Variants in GNAS observed in about 807,000 individuals in gnomAD.
GNAS encodes the protein GNAS complex locus.
Under a neutral mutation model 54.5 loss-of-function variants are expected in GNAS, and 8 were observed. The ratio of observed to expected loss-of-function variants is 0.15; its 90% CI spans 0.09 to 0.26. GNAS has a LOEUF of 0.26. Among genes scored for constraint, GNAS ranks in the 10% least tolerant of loss-of-function variants. The pLI, the probability that GNAS is intolerant of heterozygous loss-of-function variation, is 1.00. For missense variants in GNAS, 170 were observed against 529.8 expected (o/e 0.32, Z 6.67); for synonymous variants, 204 against 191.4 (o/e 1.07, Z -0.54).
chr20:58,858,995 A>T (rs2086639902), intron 1 of GNAS, among the ~76,000 whole-genome samples: 1 of 152,186 alleles, frequency 6.6e-6, no homozygotes, highest in Admixed American at 6.5e-5. Context: ...TAATTCTTAC[A>T]GATTTCTCTC....
chr20:58,841,653 T>G lies in GNAS; in HGVS notation c.43+767T>G. 58 of 1,096,868 alleles carry G rather than the reference T, an allele frequency of 5.3e-5. No homozygotes were observed. Among genetic ancestry groups the G allele is most frequent in the East Asian group, 1.6e-4 (3 of 19,170 alleles). 67.9% of individuals were successfully genotyped at this position (1,096,868 alleles called of 1,614,324 possible). A position where few individuals can be genotyped will look rare whatever the true frequency, so the allele number is the denominator to read the frequency against. On this transcript the variant is annotated intron_variant, in intron 1 of 12. Transcript: ENST00000306090. This position sits in a 1 kb window ranked among gnomAD's most constrained non-coding sequence, Gnocchi z 5.0. ...GCTGACCTCTCCCGGCGGCGGGCGG[T>G]TAGGGGAAAGTACCTGGGGGAAAGG...
intron 1 of GNAS, among the ~76,000 whole-genome samples, chr20:58,878,120 CAG>C (rs1431271664): frequency 1.3e-5 from 2 of 152,174 alleles, no homozygotes; most frequent in Non-Finnish European, 2.9e-5. Context: ...GCCTCTGGTG[CAG>C]ACTTACGCAG....
At chr20:58,842,495 G>GA (rs1195159505) in intron 1 of GNAS, 13 of 398,530 alleles carry the variant, frequency 3.3e-5, no homozygotes, top group Non-Finnish European at 5.8e-5. Context: ...CCAAGACTTA[G>GA]TTCTGCCGGG....
upstream of GNAS, chr20:58,889,111 T>A: frequency 8.7e-7 from 1 of 1,148,264 alleles, no homozygotes; most frequent in Non-Finnish European, 1.1e-6. Flanking sequence ...CTGCTATGGG[T>A]CGGTCCTCTG....
At chr20:58,850,336 T>A (rs1327316846) in intron 1 of GNAS, among the ~76,000 whole-genome samples, 1 of 152,216 alleles carries the variant, frequency 6.6e-6, no homozygotes, top group Non-Finnish European at 1.5e-5. Flanking sequence ...TGTGCTCCCC[T>A]GGCAAAGCTC....
rs75262791 is a variant in GNAS at position 58,846,440 on chromosome 20, G to A, written c.43+5554G>A. 3.2e-3 allele frequency among the ~76,000 whole-genome samples: 488 copies of A among 152,272 alleles called. 1 individual carries two copies. The highest frequency in any genetic ancestry group is 0.011 in the African/African-American group (468 of 41,550). Reference sequence around the variant, plus strand: ...ACATCACTGTCCCCCTGAGAGTTTCGTACAGACCTGGTCCAAAAATTCCAA... The same window carrying A: ...ACATCACTGTCCCCCTGAGAGTTTCATACAGACCTGGTCCAAAAATTCCAA... On this transcript the variant is annotated intron_variant, in intron 1 of 12. Coordinates refer to the GNAS transcript ENST00000306090.
At chr20:58,840,114 G>C (rs139302910), upstream of GNAS, 2 of 1,611,088 alleles carry the variant, frequency 1.2e-6, no homozygotes, top group Middle Eastern at 1.7e-4. This position sits in a 1 kb window ranked among gnomAD's most constrained non-coding sequence, Gnocchi z 6.0. Context: ...AGGATGGATC[G>C]GAGGTCCCGG....
In GNAS at chr20:58,867,158, T is replaced by C. The variant is rs1019938607; in HGVS notation, c.43+26272T>C. Among the ~76,000 whole-genome samples the C allele has an allele frequency of 2.6e-5, 4 of 152,312 alleles. No homozygotes were observed. In the East Asian group the frequency reaches 7.7e-4, roughly 29 times the overall value. On this transcript the variant is annotated intron_variant, in intron 1 of 12. Transcript: ENST00000306090. ...GATTTTGAAATTTTGCCTGCGAAAGTGCAACATCTTTCCAAGCAAATGCTT... is the reference window on the plus strand; with the variant it reads ...GATTTTGAAATTTTGCCTGCGAAAGCGCAACATCTTTCCAAGCAAATGCTT...
At chr20:58,842,173 G>A in intron 1 of GNAS, 1 of 398,638 alleles carries the variant, frequency 2.5e-6, no homozygotes, top group South Asian at 1.3e-4. Context: ...GCAGCAATCT[G>A]GTAACGCACC....
intron 2 of GNAS, chr20:58,898,672 C>G (rs2090315355): frequency 3.5e-6 from 2 of 574,706 alleles, no homozygotes; most frequent in Admixed American, 6.0e-5. Context: ...AATTATCCAT[C>G]CCTCCTGTCT....
In GNAS at chr20:58,854,573, C is replaced by T. The variant is rs780383510; in HGVS notation, c.43+13687C>T. On this transcript the variant is annotated intron_variant, in intron 1 of 12. Transcript: ENST00000306090. ...ATCCCGACTCCGGGGCAGCCCCTGC[C>T]GCCCCAGCCGATCCCGACTCCGGGG... 20 of 1,553,890 alleles carry T rather than the reference C, an allele frequency of 1.3e-5. No individual in the cohort carries two copies. In the South Asian group the frequency reaches 1.8e-4, roughly 14 times the overall value.
At chr20:58,894,664 A>G (rs1403546605) in intron 1 of GNAS, among the ~76,000 whole-genome samples, 1 of 152,184 alleles carries the variant, frequency 6.6e-6, no homozygotes, top group Non-Finnish European at 1.5e-5. Flanking sequence ...CATGAAACAT[A>G]TATGTATTTT....
upstream of GNAS, among the ~76,000 whole-genome samples, chr20:58,888,090 T>C (rs961288733): frequency 6.6e-6 from 1 of 152,232 alleles, no homozygotes; most frequent in Non-Finnish European, 1.5e-5. Context: ...TGTTTCCATT[T>C]ATAGGTAGAC....
intron 1 of GNAS, chr20:58,850,502 TG>T: frequency 2.5e-6 from 1 of 398,552 alleles, no homozygotes; most frequent in Non-Finnish European, 4.4e-6. Context: ...GCAGCCTCCC[TG>T]GGGCTCCAAC....
In GNAS at chr20:58,857,358, G is replaced by T. The variant is rs2086565029; in HGVS notation, c.43+16472G>T. Among the ~76,000 whole-genome samples the T allele has an allele frequency of 6.6e-6, 1 of 152,120 alleles. No individual in the cohort carries two copies. The highest frequency in any genetic ancestry group is 2.4e-5 in the African/African-American group (1 of 41,432). On this transcript the variant is annotated intron_variant, in intron 1 of 12. Coordinates refer to the GNAS transcript ENST00000306090. The surrounding 1 kb of genome is among the most constrained non-coding windows in gnomAD (Gnocchi z 4.1). ...TTTCAAATGTCTCAACTACACTAAAGCTACCAAACATTAAATGACAATGCA... is the reference window on the plus strand; with the variant it reads ...TTTCAAATGTCTCAACTACACTAAATCTACCAAACATTAAATGACAATGCA...
intron 1 of GNAS, 172 bp downstream of exon 1, chr20:58,892,037 A>T: frequency 9.5e-6 from 8 of 842,284 alleles, no homozygotes; most frequent in Non-Finnish European, 8.6e-6. Context: ...AGGGGCGCGG[A>T]TTCGGCCGGG....
upstream of GNAS, chr20:58,890,604 T>A (rs1019706684): frequency 6.6e-6 from 1 of 152,344 alleles, no homozygotes; most frequent in Non-Finnish European, 1.5e-5. Context: ...CTTCCGAGTG[T>A]TCCTGGGCTG....
In GNAS at chr20:58,909,299, T is replaced by G; in HGVS notation, c.586-51T>G. On this transcript the variant is annotated intron_variant, in intron 7 of 12. Transcript: ENST00000371085. The surrounding 1 kb of genome is among the most constrained non-coding windows in gnomAD (Gnocchi z 7.3). Reference sequence around the variant, plus strand: ...ACCTTTGCTTTAGATTGGCAATTATTACTGTTTCGGTTGGCTTTGGTGAGA... The same window carrying G: ...ACCTTTGCTTTAGATTGGCAATTATGACTGTTTCGGTTGGCTTTGGTGAGA... The G allele has an allele frequency of 6.3e-7, 1 of 1,586,462 alleles. No homozygotes were observed.
rs1411332304 is a variant in GNAS, at chr20:58,853,804, A to G, written c.43+12918A>G. The G allele has an allele frequency of 1.2e-6, 2 of 1,608,438 alleles. No individual in the cohort carries two copies. The highest frequency in any genetic ancestry group is 1.7e-6 in the Non-Finnish European group (2 of 1,177,656). On this transcript the variant is annotated intron_variant, in intron 1 of 12. Transcript: ENST00000306090. The surrounding 1 kb of genome is among the most constrained non-coding windows in gnomAD (Gnocchi z 4.4). Reference sequence around the variant, plus strand: ...AGAGGCTGCAGTCAACTTCTCTTACAGGTCCCAGACCTTGCTCCAGGAGGC... The same window carrying G: ...AGAGGCTGCAGTCAACTTCTCTTACGGGTCCCAGACCTTGCTCCAGGAGGC...
Sources: allele counts gnomAD v4.1 joint callset (sites outside exome capture counted in the v4.1 genomes callset), GRCh38; gene constraint gnomAD v4.1.1; non-coding constraint Gnocchi (gnomAD v3.1); transcripts MANE v1.5; gene names NCBI Gene and HGNC (gene_info 2026-07-23, HGNC 2026-07-21).